RTN4: variants seen among roughly 807,000 people sequenced by gnomAD.
RTN4 encodes the protein reticulon 4.
RTN4 carries 32 observed loss-of-function variants against 90.4 expected under a neutral mutation model. The ratio of observed to expected loss-of-function variants is 0.35; its 90% CI spans 0.27 to 0.48. The LOEUF (loss-of-function observed/expected upper bound fraction) is 0.48, where lower values mean the gene tolerates loss of function less well. RTN4 is among the 20% of genes least tolerant of loss of function. The probability of loss-of-function intolerance (pLI) is 0.99; values close to 1 mark genes in which losing one functional copy is unlikely to be tolerated. For missense variants in RTN4, 1,706 were observed against 1,430.2 expected (o/e 1.19, Z -3.11); for synonymous variants, 629 against 552.5 (o/e 1.14, Z -1.94).
intron 1 of RTN4, among the ~76,000 whole-genome samples, chr2:55,104,416 G>C (rs187646688): frequency 6.6e-6 from 1 of 151,500 alleles, no homozygotes; most frequent in Non-Finnish European, 1.5e-5. Flanking sequence ...GCAGCGTTGC[G>C]ATCTCAGCTC....
At chr2:55,057,706 C>G (rs1668214580) in intron 2 of RTN4, among the ~76,000 whole-genome samples, 1 of 152,166 alleles carries the variant, frequency 6.6e-6, no homozygotes, top group Non-Finnish European at 1.5e-5. Flanking sequence ...GTAGTTCACC[C>G]AGGCCTGGTG....
At chr2:55,098,982 T>C (rs933967513) in intron 1 of RTN4, among the ~76,000 whole-genome samples, 2 of 152,158 alleles carry the variant, frequency 1.3e-5, no homozygotes, top group Non-Finnish European at 2.9e-5. Flanking sequence ...TCTTCCTTCA[T>C]CCATCAGGAG....
chr2:55,062,844 C>A (rs928698566), intron 2 of RTN4, among the ~76,000 whole-genome samples: 25 of 152,352 alleles, frequency 1.6e-4, no homozygotes, highest in Middle Eastern at 3.4e-3. Flanking sequence ...TCAATAATTT[C>A]ACTAAGGAAC....
the RTN4 span, among the ~76,000 whole-genome samples, chr2:55,134,198 T>G: frequency 3.3e-5 from 5 of 151,932 alleles, no homozygotes; most frequent in Non-Finnish European, 5.9e-5. Flanking sequence ...AACCAGAGAT[T>G]GCTTTTGTGG....
intron 3 of RTN4, among the ~76,000 whole-genome samples, chr2:54,990,271 A>C (rs1678897170): frequency 6.6e-6 from 1 of 152,252 alleles, no homozygotes; most frequent in Admixed American, 6.5e-5. Flanking sequence ...AACTGAGAGT[A>C]AATTTCATGT....
At chr2:55,094,744 T>C (rs926756356) in intron 1 of RTN4, among the ~76,000 whole-genome samples, 9 of 152,082 alleles carry the variant, frequency 5.9e-5, no homozygotes, top group Non-Finnish European at 8.8e-5. Context: ...TGGAAAACGT[T>C]TGAGGCACAA....
the RTN4 span, among the ~76,000 whole-genome samples, chr2:55,130,683 G>A: frequency 6.6e-6 from 1 of 152,274 alleles, no homozygotes; most frequent in East Asian, 1.9e-4. Context: ...CCCAAGAGGT[G>A]GAGGTTGCAG....
At chr2:55,006,177 TG>T (rs1486204414) in intron 3 of RTN4, among the ~76,000 whole-genome samples, 1 of 152,186 alleles carries the variant, frequency 6.6e-6, no homozygotes, top group African/African-American at 2.4e-5. Context: ...CTCTATGCGA[TG>T]TGAGTTTTAC....
chr2:55,025,238 T>C lies in RTN4; in HGVS notation c.2861A>G (p.Asp954Gly), dbSNP rs750217968. Residue 954 changes from aspartate to glycine, a missense_variant, in exon 3 of 9, where the codon GAT (aspartate) becomes GGT (glycine). Physicochemically the swap from Asp to Gly is moderately conservative, Grantham distance 94. Coordinates refer to ENST00000337526, the MANE Select transcript of RTN4 (RefSeq NM_020532.5). Reference sequence around the variant, plus strand: ...TGCTTGAGTGGCCAAAGCAGAAACATCTGGAGGCAATAAGAGCACCTTTGA... The same window carrying C: ...TGCTTGAGTGGCCAAAGCAGAAACACCTGGAGGCAATAAGAGCACCTTTGA... ...ATSKVLLLPP[D>G]VSALATQAEI... The C allele has an allele frequency of 7.4e-6, 12 of 1,613,856 alleles. No homozygotes were observed. The South Asian group carries it at 1.2e-4, about 16-fold the overall frequency.
rs752563407 is a variant in RTN4 at position 55,025,526 on chromosome 2, G to A, written c.2573C>T (p.Thr858Met). The A allele has an allele frequency of 7.4e-6, 12 of 1,613,458 alleles. No individual in the cohort carries two copies. In the South Asian group the frequency reaches 8.8e-5, roughly 12 times the overall value. The change falls in exon 3 of 9, where the codon ACG becomes ATG. Residue 858 changes from threonine to methionine, a missense_variant. By Grantham distance (81) the Thr-to-Met change is moderately conservative. Coordinates refer to ENST00000337526, the MANE Select transcript of RTN4 (RefSeq NM_020532.5). ...TTCAATTGGAGATGAATCTGAAAAC[G>A]TTTCAGTTTCTCTTATCTGTGCTTC... ...SKEAQIRETE[T>M]FSDSSPIEII...
chr2:55,029,917 A>T (rs1318961361), intron 1 of RTN4, among the ~76,000 whole-genome samples: 1 of 152,210 alleles, frequency 6.6e-6, no homozygotes, highest in African/African-American at 2.4e-5. Flanking sequence ...CATTTGTAAA[A>T]TGAAGGAAAG....
Position 55,027,573 on chromosome 2 carries a change from G to T in RTN4, c.614-88C>A, listed in dbSNP as rs1250029670. Reference sequence around the variant, plus strand: ...TTATGACAGATCCAAAATAGTGTTAGTAAAGACTTACTGTTTACTAAAATG... The same window carrying T: ...TTATGACAGATCCAAAATAGTGTTATTAAAGACTTACTGTTTACTAAAATG... On this transcript the variant is annotated intron_variant, in intron 2 of 8. Transcript: ENST00000337526. The T allele has an allele frequency of 1.6e-5, 21 of 1,342,728 alleles. No individual in the cohort carries two copies. In the East Asian group the frequency reaches 4.9e-4, roughly 31 times the overall value. The allele number at this position is 1,342,728 out of a possible 1,614,324, so 83.2% of individuals were successfully genotyped here. A position where few individuals can be genotyped will look rare whatever the true frequency, so the allele number is the denominator to read the frequency against.
upstream of RTN4, among the ~76,000 whole-genome samples, chr2:55,054,469 C>T (rs973451799): frequency 6.6e-6 from 1 of 152,202 alleles, no homozygotes; most frequent in Non-Finnish European, 1.5e-5. Context: ...GAAATCACCC[C>T]TTCCATTTCT....
intron 1 of RTN4, among the ~76,000 whole-genome samples, chr2:55,087,351 G>A (rs1668859871): frequency 6.6e-6 from 1 of 152,186 alleles, no homozygotes; most frequent in East Asian, 1.9e-4. Context: ...GAGATTTCCA[G>A]TTGTTCCACT....
chr2:55,123,204 C>T, the RTN4 span, among the ~76,000 whole-genome samples: 2 of 152,124 alleles, frequency 1.3e-5, no homozygotes, highest in South Asian at 2.1e-4. Context: ...TTTTTAACTA[C>T]ATATAAATCA....
At chr2:55,056,490 C>T (rs1332832094) in intron 2 of RTN4, 1 of 152,146 alleles carries the variant, frequency 6.6e-6, no homozygotes, top group South Asian at 2.1e-4. Context: ...CTTTGAGAGG[C>T]GAAGGTGGGC....
the RTN4 span, among the ~76,000 whole-genome samples, chr2:55,119,150 T>A: frequency 2.6e-5 from 4 of 152,200 alleles, no homozygotes; most frequent in African/African-American, 9.6e-5. Flanking sequence ...CTGCAGAGAA[T>A]CCTTGCGGGT....
At chr2:55,061,850 C>T (rs986355827) in intron 2 of RTN4, among the ~76,000 whole-genome samples, 2 of 152,138 alleles carry the variant, frequency 1.3e-5, no homozygotes, top group Non-Finnish European at 2.9e-5. Context: ...CCTGCCTTGG[C>T]GCCCAAATGT....
chr2:55,106,726 G>T (rs1667950506), intron 1 of RTN4, among the ~76,000 whole-genome samples: 1 of 152,116 alleles, frequency 6.6e-6, no homozygotes, highest in Middle Eastern at 3.4e-3. Context: ...CACCATGTTG[G>T]CTAGGCTGGT....
Sources: gnomAD v4.1 joint callset for allele counts (sites outside exome capture counted in the v4.1 genomes callset) on GRCh38, gnomAD v4.1.1 for gene constraint, MANE v1.5 for transcripts, NCBI Gene and HGNC (gene_info 2026-07-23, HGNC 2026-07-21) for gene names.